The following KMT2A variants were observed in gnomAD, a reference collection of about 807,000 sequenced individuals.
KMT2A encodes the protein histone-lysine N-methyltransferase 2A.
A neutral mutation model predicts 345.3 loss-of-function variants in KMT2A; 16 were observed. The observed-to-expected ratio is 0.05, with a 90% CI of 0.03 to 0.07. The LOEUF (loss-of-function observed/expected upper bound fraction) is 0.07. Ranked by LOEUF, KMT2A falls within the 10% of genes least tolerant of loss-of-function variation. The pLI is 1.00. For missense variants in KMT2A, 3,272 were observed against 4,841.6 expected (o/e 0.68, Z 9.62); for synonymous variants, 1,599 against 1,778.6 (o/e 0.90, Z 2.54).
intron 5 of KMT2A, 23 bp from the exon 6 acceptor site, chr11:118,480,151 T>C (rs782129370): frequency 1.3e-6 from 2 of 1,588,596 alleles, no homozygotes; most frequent in Admixed American, 3.3e-5. Context: ...ATTTGTTTCA[T>C]GGTTTATTCG....
In KMT2A at chr11:118,445,828, C is replaced by A. The variant is rs970409678; in HGVS notation, c.432+8884C>A. The stretch of plus-strand genomic sequence containing the variant: ...GACCAGCCTGGCTAACATGGTGAAA[C>A]CCTGTCTCTACTAAAAATACAAAAA... On this transcript the variant is annotated intron_variant, in intron 1 of 35. Transcript: ENST00000534358. Among the ~76,000 whole-genome samples the A allele has an allele frequency of 7.3e-4, 111 of 152,086 alleles. 1 individual carries two copies. Among genetic ancestry groups the A allele is most frequent in the African/African-American group, 2.5e-3 (105 of 41,492 alleles).
In KMT2A at chr11:118,525,200, G is replaced by T; in HGVS notation, c.*3028G>T. On this transcript the variant is annotated 3_prime_UTR_variant, in exon 36 of 36. Coordinates refer to ENST00000534358, the MANE Select transcript of KMT2A (RefSeq NM_001197104.2). Reference sequence around the variant, plus strand: ...AGTGCAGATTGAGGAATTGTGATGGGTCATTCCCAAGAATCCCCCAAGGGG... The same window carrying T: ...AGTGCAGATTGAGGAATTGTGATGGTTCATTCCCAAGAATCCCCCAAGGGG... The T allele has an allele frequency of 4.3e-6, 1 of 231,748 alleles. No individual in the cohort carries two copies. Among genetic ancestry groups the T allele is most frequent in the Admixed American group, 5.6e-5 (1 of 17,738 alleles). The allele number at this position is 231,748 out of a possible 1,614,324, so 14.4% of individuals were successfully genotyped here.
intron 1 of KMT2A, among the ~76,000 whole-genome samples, chr11:118,452,779 GC>G (rs1461642705): frequency 1.3e-5 from 2 of 151,886 alleles, no homozygotes; most frequent in Non-Finnish European, 2.9e-5. Flanking sequence ...GATTACAGGC[GC>G]CCACCACCAC....
Position 118,476,661 on chromosome 11 carries a change from G to A in KMT2A, c.3157-144G>A. 1.5e-6 allele frequency: 1 copy of A among 682,640 alleles called. No individual in the cohort carries two copies. The highest frequency in any genetic ancestry group is 2.4e-6 in the Non-Finnish European group (1 of 414,190). The allele number at this position is 682,640 out of a possible 1,614,324, so 42.3% of individuals were successfully genotyped here. On this transcript the variant is annotated intron_variant, in intron 3 of 35. Transcript: ENST00000534358. This position sits in a 1 kb window ranked among gnomAD's most constrained non-coding sequence, Gnocchi z 4.1. The stretch of plus-strand genomic sequence containing the variant: ...TACAGTAATAGTTGATTTCTGTTTT[G>A]ATATGATTTATCAGCTGGGAATAAT...
chr11:118,521,932 A>G lies in KMT2A; in HGVS notation c.11679A>G (p.Ser3893=). The change falls in exon 36 of 36, where the codon TCA becomes TCG. Residue 3893 remains serine, a synonymous_variant. Transcript: ENST00000534358. The surrounding 1 kb of genome is among the most constrained non-coding windows in gnomAD (Gnocchi z 5.3). ...GCTATATGTTCCGAATTGATGACTC[A>G]GAGGTAGTGGATGCCACCATGCATG... ...IGCYMFRIDD[S]EVVDATMHGN... 2.5e-6 allele frequency: 4 copies of G among 1,614,178 alleles called. No individual in the cohort carries two copies. Among genetic ancestry groups the G allele is most frequent in the Non-Finnish European group, 3.4e-6 (4 of 1,180,026 alleles).
Position 118,497,820 on chromosome 11 carries a change from C to A in KMT2A, c.5665-116C>A, listed in dbSNP as rs1555044430. On this transcript the variant is annotated intron_variant, in intron 20 of 35. Transcript: ENST00000534358. The surrounding 1 kb of genome is among the most constrained non-coding windows in gnomAD (Gnocchi z 4.8). The stretch of plus-strand genomic sequence containing the variant: ...ATTCTGATTTCTGTGTGCCTCCCTC[C>A]ATTAAAGAATTATAGTTGCTTTCTT... 2.8e-6 allele frequency: 2 copies of A among 719,956 alleles called. No individual in the cohort carries two copies. The highest frequency in any genetic ancestry group is 5.2e-5 in the East Asian group (2 of 38,296). 44.6% of individuals were successfully genotyped at this position (719,956 alleles called of 1,614,324 possible). A position where few individuals can be genotyped will look rare whatever the true frequency, so the allele number is the denominator to read the frequency against.
chr11:118,442,506 G>A (rs534491697), intron 1 of KMT2A, among the ~76,000 whole-genome samples: 3 of 152,268 alleles, frequency 2.0e-5, no homozygotes, highest in South Asian at 2.1e-4. Context: ...AAATATTGTC[G>A]TGGAGTAAAT....
rs782732794 is a variant in KMT2A, at chr11:118,503,633, A to G, written c.7741A>G (p.Thr2581Ala). ...GPVAQPSPNN[T>A]SCQDSQSNNY... ...AGTGGCCCAACCAAGCCCCAATAAT[A>G]CCTCATGCCAGGATTCTCAAAGTAA... Residue 2581 changes from threonine to alanine, a missense_variant, in exon 27 of 36, where the codon ACC (threonine) becomes GCC (alanine). Coordinates refer to ENST00000534358, the MANE Select transcript of KMT2A (RefSeq NM_001197104.2). This position sits in a 1 kb window ranked among gnomAD's most constrained non-coding sequence, Gnocchi z 5.3. 2.0e-5 allele frequency: 32 copies of G among 1,614,152 alleles called. No individual in the cohort carries two copies. The highest frequency in any genetic ancestry group is 2.7e-5 in the Non-Finnish European group (32 of 1,180,024).
Position 118,436,698 on chromosome 11 carries a change from C to CGCG in KMT2A, c.200_202dup (p.Ala67dup), listed in dbSNP as rs781936420. On this transcript the variant is annotated inframe_insertion, in exon 1 of 36. Coordinates refer to ENST00000534358, the MANE Select transcript of KMT2A (RefSeq NM_001197104.2). The surrounding 1 kb of genome is among the most constrained non-coding windows in gnomAD (Gnocchi z 6.9). Reference sequence around the variant, plus strand: ...CCCCCTCCCCCCCGGCTGTGGCGGCCGCGGCGGCGGCGGCGGGAAGCAGCG... The same window carrying CGCG: ...CCCCCTCCCCCCCGGCTGTGGCGGCCGCGGCGGCGGCGGCGGCGGGAAGCAGCG... The CGCG allele has an allele frequency of 7.1e-5, 94 of 1,317,642 alleles. No individual in the cohort carries two copies. The highest frequency in any genetic ancestry group is 3.9e-4 in the East Asian group (13 of 32,968). 81.6% of individuals were successfully genotyped at this position (1,317,642 alleles called of 1,614,324 possible).
chr11:118,504,997 G>T lies in KMT2A; in HGVS notation c.9105G>T (p.Gln3035His). Residue 3035 changes from glutamine (Q) to histidine (H), a missense_variant, in exon 27 of 36, where the codon CAG (glutamine) becomes CAT (histidine). By Grantham distance (24) the Gln-to-His change is conservative. Transcript: ENST00000534358. The surrounding 1 kb of genome is among the most constrained non-coding windows in gnomAD (Gnocchi z 6.4). The stretch of plus-strand genomic sequence containing the variant: ...GGAACAGTAGCACCCCTGGCCTTCA[G>T]GTACCTGTTTCCCCAACTGTTCCCA... The part of the protein sequence containing the change: ...LTRNSSTPGL[Q>H]VPVSPTVPIQ... The T allele has an allele frequency of 6.2e-7, 1 of 1,614,116 alleles. No homozygotes were observed. The highest frequency in any genetic ancestry group is 1.1e-5 in the South Asian group (1 of 91,072).
At position 118,472,614 on chromosome 11, in the gene KMT2A, T is replaced by C. The variant is rs781866544; in HGVS notation, c.1455T>C (p.Asp485=). 1.9e-6 allele frequency: 3 copies of C among 1,612,004 alleles called. No homozygotes were observed. In the South Asian group the frequency reaches 3.3e-5, roughly 18 times the overall value. ...DSSRSSSPSV[D]TSTDSQASEE... The stretch of plus-strand genomic sequence containing the variant: ...CTCGATCTAGTAGCCCCAGTGTTGA[T>C]ACCTCCACAGACTCTCAGGCTTCTG... Residue 485 remains aspartate (D), a synonymous_variant, in exon 3 of 36, where the codon GAT becomes GAC. Coordinates refer to ENST00000534358, the MANE Select transcript of KMT2A (RefSeq NM_001197104.2).
At chr11:118,461,679 T>A (rs1431182062) in intron 1 of KMT2A, among the ~76,000 whole-genome samples, 7 of 152,206 alleles carry the variant, frequency 4.6e-5, no homozygotes, top group African/African-American at 1.7e-4. Context: ...TAGCATGATG[T>A]CTCCTGTACC....
rs1555046902 is a variant in KMT2A at position 118,503,851 on chromosome 11, C to T, written c.7959C>T (p.Ser2653=). ...YGEEDIPFYS[S]STGKKRGKRS... Reference sequence around the variant, plus strand: ...AAGAAGACATTCCATTCTACAGCAGCTCAACTGGGAAGAAGCGAGGCAAGA... The same window carrying T: ...AAGAAGACATTCCATTCTACAGCAGTTCAACTGGGAAGAAGCGAGGCAAGA... Residue 2653 remains serine, a synonymous_variant, in exon 27 of 36, where the codon AGC becomes AGT. Coordinates refer to ENST00000534358, the MANE Select transcript of KMT2A (RefSeq NM_001197104.2). The surrounding 1 kb of genome is among the most constrained non-coding windows in gnomAD (Gnocchi z 5.3). The T allele has an allele frequency of 6.2e-7, 1 of 1,614,096 alleles. No homozygotes were observed. The highest frequency in any genetic ancestry group is 8.5e-7 in the Non-Finnish European group (1 of 1,180,056).
chr11:118,452,270 T>C (rs1555029209), intron 1 of KMT2A, among the ~76,000 whole-genome samples: 2 of 152,118 alleles, frequency 1.3e-5, no homozygotes, highest in South Asian at 2.1e-4. Flanking sequence ...GCATGGTGGC[T>C]CACACCTGTA....
chr11:118,522,886 A>T lies in KMT2A; in HGVS notation c.*714A>T. On this transcript the variant is annotated 3_prime_UTR_variant, in exon 36 of 36. Transcript: ENST00000534358. This position sits in a 1 kb window ranked among gnomAD's most constrained non-coding sequence, Gnocchi z 5.4. ...GGCTTCCCTCTCCCATTCCCTCTTC[A>T]CTCCCTTTTCTTCCTTTCCCCTGTC... 4.5e-6 allele frequency: 1 copy of T among 224,364 alleles called. No homozygotes were observed. The highest frequency in any genetic ancestry group is 8.9e-6 in the Non-Finnish European group (1 of 112,606). 13.9% of individuals were successfully genotyped at this position (224,364 alleles called of 1,614,324 possible). A position where few individuals can be genotyped will look rare whatever the true frequency, so the allele number is the denominator to read the frequency against.
chr11:118,473,907 T>C lies in KMT2A; in HGVS notation c.2748T>C (p.Val916=), dbSNP rs1949988295. 3 of 1,614,056 alleles carry C rather than the reference T, an allele frequency of 1.9e-6. No homozygotes were observed. Among genetic ancestry groups the C allele is most frequent in the Non-Finnish European group, 2.5e-6 (3 of 1,180,038 alleles). ...YPVGRVSKEK[V]VGEDVATSSS... ...TGGGTAGGGTTTCCAAAGAGAAGGT[T>C]GTTGGTGAAGATGTTGCCACTTCAT... The change falls in exon 3 of 36, where the codon GTT becomes GTC. Residue 916 remains valine (V), a synonymous_variant. Coordinates refer to ENST00000534358, the MANE Select transcript of KMT2A (RefSeq NM_001197104.2). The surrounding 1 kb of genome is among the most constrained non-coding windows in gnomAD (Gnocchi z 5.2).
At chr11:118,500,918 T>C in intron 24 of KMT2A, 69 bp from the exon 25 acceptor site, 1 of 1,290,678 alleles carries the variant, frequency 7.7e-7, no homozygotes, top group South Asian at 1.4e-5. Flanking sequence ...TAAAGAGAGG[T>C]TTTGAAAAAT....
At position 118,493,032 on chromosome 11, in the gene KMT2A, AG is replaced by A; in HGVS notation, c.5005-24del. The A allele has an allele frequency of 6.2e-7, 1 of 1,602,484 alleles. No individual in the cohort carries two copies. Among genetic ancestry groups the A allele is most frequent in the Non-Finnish European group, 8.5e-7 (1 of 1,172,780 alleles). ...CACCTTGGTTTTAGTGTTAGATAAAAGCAACATATCTTTCCTGGCAATAGGC... is the reference window on the plus strand; with the variant it reads ...CACCTTGGTTTTAGTGTTAGATAAAACAACATATCTTTCCTGGCAATAGGC... On this transcript the variant is annotated intron_variant, in intron 15 of 35. Coordinates refer to ENST00000534358, the MANE Select transcript of KMT2A (RefSeq NM_001197104.2). This position sits in a 1 kb window ranked among gnomAD's most constrained non-coding sequence, Gnocchi z 5.8.
At chr11:118,451,016 A>G (rs1040586463) in intron 1 of KMT2A, among the ~76,000 whole-genome samples, 1 of 152,190 alleles carries the variant, frequency 6.6e-6, no homozygotes, top group African/African-American at 2.4e-5. Flanking sequence ...CAAATAATGA[A>G]AAAGTACCTG....
Sources: gnomAD v4.1 joint callset for allele counts (sites outside exome capture counted in the v4.1 genomes callset) on GRCh38, gnomAD v4.1.1 for gene constraint, Gnocchi (gnomAD v3.1) non-coding constraint, MANE v1.5 for transcripts, NCBI Gene and HGNC (gene_info 2026-07-23, HGNC 2026-07-21) for gene names.